SLC25A35: variants seen among roughly 807,000 people sequenced by gnomAD.
SLC25A35 encodes the protein solute carrier family 25, member 35.
Under a neutral mutation model 30.5 loss-of-function variants are expected in SLC25A35, and 32 were observed. That is an observed-to-expected ratio of 1.05 (90% confidence interval 0.79 to 1.41). The LOEUF is 1.41. Ranked by LOEUF, SLC25A35 falls within the 40% of genes most tolerant of loss-of-function variation. SLC25A35 has a pLI of 0.00. For missense variants in SLC25A35, 369 were observed against 388.0 expected (o/e 0.95, Z 0.41); for synonymous variants, 142 against 158.1 (o/e 0.90, Z 0.77).
Position 8,290,347 on chromosome 17 carries a change from C to A in SLC25A35, c.*158G>T. ...ACCCAAGGAAAGAAGGGAAACTCAT[C>A]TCTTGTAGTGATTCAACCCTGAGAA... is the stretch of plus-strand genomic sequence containing the variant. On this transcript the variant is annotated 3_prime_UTR_variant, in exon 5 of 5. Coordinates refer to ENST00000577745, the MANE Select transcript of SLC25A35 (RefSeq NM_001320870.2). 6.9e-7 allele frequency: 1 copy of A among 1,438,946 alleles called. No individual in the cohort carries two copies. The allele number at this position is 1,438,946 out of a possible 1,614,324, so 89.1% of individuals were successfully genotyped here. A position where few individuals can be genotyped will look rare whatever the true frequency, so the allele number is the denominator to read the frequency against.
rs543545826 is a variant in SLC25A35 at position 8,294,709 on chromosome 17, C to T, written c.99G>A (p.Leu33=). Residue 33 remains leucine (L), a synonymous_variant, in exon 1 of 5, where the codon CTG becomes CTA. Coordinates refer to ENST00000577745, the MANE Select transcript of SLC25A35 (RefSeq NM_001320870.2). ...GCCGCTGGTATGTGCCAGGGGCCTG[C>T]AGTTCTCCTTGCAACTGCATCCTGG... ...VKTRMQLQGE[L]QAPGTYQRHY... 4 of 1,614,208 alleles carry T rather than the reference C, an allele frequency of 2.5e-6. No homozygotes were observed. The highest frequency in any genetic ancestry group is 4.5e-5 in the East Asian group (2 of 44,868).
chr17:8,288,793 A>G (rs763301510), downstream of SLC25A35: 37 of 1,613,954 alleles, frequency 2.3e-5, no homozygotes, highest in Non-Finnish European at 3.1e-5. Flanking sequence ...AGACCCATGG[A>G]GCCCACGAGA....
downstream of SLC25A35, chr17:8,289,087 C>G: frequency 6.2e-7 from 1 of 1,612,686 alleles, no homozygotes; most frequent in Non-Finnish European, 8.5e-7. Flanking sequence ...GGGAATGGCC[C>G]CCGGCTGGCC....
downstream of SLC25A35, chr17:8,288,783 AG>A (rs1255054007): frequency 6.2e-7 from 1 of 1,613,926 alleles, no homozygotes; most frequent in Non-Finnish European, 8.5e-7. Flanking sequence ...ACCCAGCCTC[AG>A]ACCCATGGAG....
In SLC25A35 at chr17:8,295,394, T is replaced by C. The variant is rs1035498120; in HGVS notation, c.-587A>G. On this transcript the variant is annotated 5_prime_UTR_variant, in exon 1 of 5. Transcript: ENST00000577745. ...TGCGGAGGCCGGGCCGCCACACTCCTGCCACTGGAGCGCGGGGCCAATGGG... is the reference window on the plus strand; with the variant it reads ...TGCGGAGGCCGGGCCGCCACACTCCCGCCACTGGAGCGCGGGGCCAATGGG... 4.5e-5 allele frequency: 44 copies of C among 982,814 alleles called. No individual in the cohort carries two copies. Among genetic ancestry groups the C allele is most frequent in the East Asian group, 1.1e-4 (1 of 8,806 alleles). The allele number at this position is 982,814 out of a possible 1,614,324, so 60.9% of individuals were successfully genotyped here. A position where few individuals can be genotyped will look rare whatever the true frequency, so the allele number is the denominator to read the frequency against.
chr17:8,288,532 C>G, downstream of SLC25A35: 1 of 580,338 alleles, frequency 1.7e-6, no homozygotes, highest in Non-Finnish European at 3.1e-6. Context: ...AGTCCAACCC[C>G]AAGGCAGACC....
intron 4 of SLC25A35, 26 bp downstream of exon 4, chr17:8,290,816 G>T (rs368022777): frequency 6.2e-7 from 1 of 1,608,878 alleles, no homozygotes; most frequent in South Asian, 1.1e-5. Context: ...CCTGCTTCCC[G>T]CCTGCATCCC....
chr17:8,289,227 G>A (rs954795153), downstream of SLC25A35: 21 of 1,611,514 alleles, frequency 1.3e-5, no homozygotes, highest in Non-Finnish European at 1.7e-5. Flanking sequence ...GACCAGAGAT[G>A]TCCCTTCCTG....
chr17:8,292,181 C>G (rs1265608982), intron 2 of SLC25A35, among the ~76,000 whole-genome samples: 1 of 151,114 alleles, frequency 6.6e-6, no homozygotes, highest in Non-Finnish European at 1.5e-5. Context: ...GACTCTGTCT[C>G]AACAAAACAA....
At chr17:8,291,510 G>T (rs1294233668) in intron 2 of SLC25A35, 25 bp from the exon 3 acceptor site, 2 of 1,591,486 alleles carry the variant, frequency 1.3e-6, no homozygotes, top group East Asian at 2.3e-5. Flanking sequence ...ACCGGGGGTG[G>T]GGTTCAGACA....
At chr17:8,289,726 C>T (rs2151610880), downstream of SLC25A35, 1 of 1,613,886 alleles carries the variant, frequency 6.2e-7, no homozygotes. Context: ...GTAACTGATA[C>T]CCAGGTCCTC....
chr17:8,294,426 T>C lies in SLC25A35; in HGVS notation c.375+7A>G. 1 of 1,563,632 alleles carries C rather than the reference T, an allele frequency of 6.4e-7. No individual in the cohort carries two copies. ...CTGAAGGTCCCAGGCAAGAGCCCTC[T>C]TCTTACCATGTAGATGGGGCTCCCC... On this transcript the variant is annotated splice_region_variant and intron_variant, in intron 1 of 4. Transcript: ENST00000577745.
chr17:8,290,984 G>A lies in SLC25A35; in HGVS notation c.595-8C>T. ...GCTCTGGGGAGGAAAGATCTAAGGG[G>A]GTAGAGAGGAAGAGCGTTGTCAACC... On this transcript the variant is annotated splice_polypyrimidine_tract_variant and splice_region_variant and intron_variant, in intron 3 of 4. Transcript: ENST00000577745. 6.2e-7 allele frequency: 1 copy of A among 1,613,920 alleles called. No homozygotes were observed.
chr17:8,289,329 G>C (rs1247147993), downstream of SLC25A35: 2 of 1,614,186 alleles, frequency 1.2e-6, no homozygotes, highest in East Asian at 4.5e-5. Flanking sequence ...CAGCCTCTCA[G>C]TTTGGAGAAC....
intron 2 of SLC25A35, 69 bp downstream of exon 2, chr17:8,292,454 G>T: frequency 6.8e-7 from 1 of 1,475,660 alleles, no homozygotes; most frequent in Non-Finnish European, 9.5e-7. Flanking sequence ...GATCTGTTGG[G>T]TGCAGGCAGA....
downstream of SLC25A35, chr17:8,288,439 A>C: frequency 2.8e-6 from 1 of 351,206 alleles, no homozygotes; most frequent in Non-Finnish European, 5.4e-6. Flanking sequence ...AGACCTGTCA[A>C]TCAATCAATC....
Position 8,290,375 on chromosome 17 carries a change from G to A in SLC25A35, c.*130C>T, listed in dbSNP as rs1049000024. 5 of 1,456,176 alleles carry A rather than the reference G, an allele frequency of 3.4e-6. No individual in the cohort carries two copies. Among genetic ancestry groups the A allele is most frequent in the Non-Finnish European group, 4.5e-6 (5 of 1,108,360 alleles). 90.2% of individuals were successfully genotyped at this position (1,456,176 alleles called of 1,614,324 possible). On this transcript the variant is annotated 3_prime_UTR_variant, in exon 5 of 5. Transcript: ENST00000577745. ...TTGTAGTGATTCAACCCTGAGAACAGATGGGGAGTGGGGTTGGCTGTCCCC... is the reference window on the plus strand; with the variant it reads ...TTGTAGTGATTCAACCCTGAGAACAAATGGGGAGTGGGGTTGGCTGTCCCC...
downstream of SLC25A35, chr17:8,288,061 C>T (rs1990204264): frequency 6.5e-6 from 1 of 153,328 alleles, no homozygotes. Flanking sequence ...AGAGACCCTA[C>T]CTAGACGTGG....
At position 8,292,517 on chromosome 17, in the gene SLC25A35, C is replaced by A; in HGVS notation, c.441+6G>T. The A allele has an allele frequency of 6.2e-7, 1 of 1,613,896 alleles. No individual in the cohort carries two copies. The highest frequency in any genetic ancestry group is 8.5e-7 in the Non-Finnish European group (1 of 1,179,926). On this transcript the variant is annotated splice_donor_region_variant and intron_variant, in intron 2 of 4. Coordinates refer to ENST00000577745, the MANE Select transcript of SLC25A35 (RefSeq NM_001320870.2). Reference sequence around the variant, plus strand: ...CAGGGACTTTGGCAGACTTGGGAACCCTCACCTGATGCTTATACTGGTGCC... The same window carrying A: ...CAGGGACTTTGGCAGACTTGGGAACACTCACCTGATGCTTATACTGGTGCC...
Sources: gnomAD v4.1 joint callset for allele counts (sites outside exome capture counted in the v4.1 genomes callset) on GRCh38, gnomAD v4.1.1 for gene constraint, MANE v1.5 for transcripts, NCBI Gene and HGNC (gene_info 2026-07-23, HGNC 2026-07-21) for gene names.